METTL9: variants seen among roughly 807,000 people sequenced by gnomAD.
METTL9 encodes the protein methyltransferase 9, His-X-His N1(pi)-histidine, also known as protein-L-histidine N-pros-methyltransferase.
A neutral mutation model predicts 36.0 loss-of-function variants in METTL9; 10 were observed. That is an observed-to-expected ratio of 0.28 (90% confidence interval 0.17 to 0.47). The LOEUF (loss-of-function observed/expected upper bound fraction) is 0.47. Among genes scored for constraint, METTL9 ranks in the 20% least tolerant of loss-of-function variants. The probability of loss-of-function intolerance (pLI) is 0.99; values close to 1 mark genes in which losing one functional copy is unlikely to be tolerated. For missense variants in METTL9, 246 were observed against 383.5 expected, an observed-to-expected ratio of 0.64 and a Z score of 3.00; for synonymous variants, 175 against 149.7, an observed-to-expected ratio of 1.17 and a Z score of -1.23.
intron 4 of METTL9, among the ~76,000 whole-genome samples, chr16:21,632,814 CCTTA>C (rs905896983): frequency 2.0e-5 from 3 of 152,154 alleles, no homozygotes; most frequent in African/African-American, 7.2e-5. Context: ...ACATCAATTT[CCTTA>C]CTTAGGTATG....
At chr16:21,647,844 A>G (rs941290076) in intron 4 of METTL9, among the ~76,000 whole-genome samples, 10 of 152,096 alleles carry the variant, frequency 6.6e-5, no homozygotes, top group African/African-American at 2.4e-4. Flanking sequence ...CTTCGATCCA[A>G]TCACTTAATC....
intron 1 of METTL9, among the ~76,000 whole-genome samples, chr16:21,606,261 G>A (rs1358224264): frequency 6.6e-6 from 1 of 152,086 alleles, no homozygotes; most frequent in Non-Finnish European, 1.5e-5. Flanking sequence ...CGCTTGAACC[G>A]TGGAGGCGGA....
At chr16:21,650,299 G>T (rs949137084) in intron 4 of METTL9, among the ~76,000 whole-genome samples, 6 of 152,150 alleles carry the variant, frequency 3.9e-5, no homozygotes, top group Non-Finnish European at 7.4e-5. Flanking sequence ...CTGAGGTCAG[G>T]CGTTCGAGAC....
chr16:21,615,839 T>C (rs1965542373), intron 2 of METTL9, among the ~76,000 whole-genome samples: 1 of 152,192 alleles, frequency 6.6e-6, no homozygotes, highest in Middle Eastern at 3.2e-3. Context: ...ATTTGCTTAT[T>C]TTCTTACTGT....
chr16:21,600,917 C>T (rs374377528), intron 1 of METTL9, among the ~76,000 whole-genome samples: 1 of 152,088 alleles, frequency 6.6e-6, no homozygotes, highest in Admixed American at 6.5e-5. Context: ...ATATATTTCT[C>T]ATTTTCCTAC....
Position 21,657,283 on chromosome 16 carries a change from G to C in METTL9, c.*1851G>C, listed in dbSNP as rs914042098. 1 of 152,046 alleles carries C rather than the reference G, an allele frequency of 6.6e-6. No homozygotes were observed. Among genetic ancestry groups the C allele is most frequent in the Non-Finnish European group, 1.5e-5 (1 of 68,012 alleles). 9.4% of individuals were successfully genotyped at this position (152,046 alleles called of 1,614,324 possible). A position where few individuals can be genotyped will look rare whatever the true frequency, so the allele number is the denominator to read the frequency against. ...TTCTCTGAAAACCAGCTTATTAAAAGTGCTGTTTTGTGGTGAAAATTGAAA... is the reference window on the plus strand; with the variant it reads ...TTCTCTGAAAACCAGCTTATTAAAACTGCTGTTTTGTGGTGAAAATTGAAA... On this transcript the variant is annotated 3_prime_UTR_variant, in exon 5 of 5. Coordinates refer to ENST00000358154, the MANE Select transcript of METTL9 (RefSeq NM_016025.5).
chr16:21,612,602 T>C (rs1464480798), intron 1 of METTL9, 43 bp from the exon 2 acceptor site: 1 of 1,449,758 alleles, frequency 6.9e-7, no homozygotes, highest in East Asian at 2.5e-5. Context: ...GACACTTCGG[T>C]TGTGTGTTTT....
At chr16:21,609,751 C>G (rs1008940747) in intron 1 of METTL9, among the ~76,000 whole-genome samples, 5 of 151,952 alleles carry the variant, frequency 3.3e-5, no homozygotes, top group African/African-American at 1.2e-4. Context: ...AGGCTGGAGA[C>G]ACAGAATGAA....
At chr16:21,612,194 T>A (rs1226337282) in intron 1 of METTL9, 1 of 153,300 alleles carries the variant, frequency 6.5e-6, no homozygotes, top group Non-Finnish European at 1.5e-5. Context: ...AGGCATTGGA[T>A]TATGTGACTG....
intron 1 of METTL9, among the ~76,000 whole-genome samples, chr16:21,608,402 C>G (rs1361540757): frequency 2.6e-5 from 4 of 152,174 alleles, no homozygotes; most frequent in Non-Finnish European, 5.9e-5. Flanking sequence ...AGTCACATTA[C>G]TTGTTTCCCT....
intron 4 of METTL9, chr16:21,647,423 G>C: frequency 6.2e-7 from 1 of 1,614,076 alleles, no homozygotes; most frequent in Non-Finnish European, 8.5e-7. Flanking sequence ...TATGGTGACG[G>C]CCTCATGAGT....
chr16:21,609,816 A>T (rs1185730013), intron 1 of METTL9, among the ~76,000 whole-genome samples: 2 of 152,168 alleles, frequency 1.3e-5, no homozygotes, highest in Admixed American at 1.3e-4. Context: ...TGTTATCCTA[A>T]GATTCCTGTT....
chr16:21,605,299 G>A (rs529560438), intron 1 of METTL9, among the ~76,000 whole-genome samples: 240 of 23,950 alleles, frequency 0.01, 1 homozygote, highest in Non-Finnish European at 0.018. Flanking sequence ...TTTTTTTTGA[G>A]AAACAAGTTC....
chr16:21,640,840 T>G (rs1966243704), intron 4 of METTL9: 1 of 151,438 alleles, frequency 6.6e-6, no homozygotes, highest in African/African-American at 2.4e-5. Flanking sequence ...GTTGCCCACA[T>G]CTTCCCTGGT....
intron 4 of METTL9, chr16:21,627,003 A>T: frequency 1.0e-6 from 1 of 985,418 alleles, no homozygotes; most frequent in Non-Finnish European, 1.2e-6. Context: ...AAGCTCCTTG[A>T]TTGTGGATGT....
chr16:21,644,521 G>A (rs879177624), intron 4 of METTL9: 62 of 633,112 alleles, frequency 9.8e-5, no homozygotes, highest in South Asian at 8.6e-4. Flanking sequence ...TTGCCTATTC[G>A]TATAAAAACT....
intron 1 of METTL9, among the ~76,000 whole-genome samples, chr16:21,600,375 G>GA (rs1231733319): frequency 6.6e-6 from 1 of 152,178 alleles, no homozygotes; most frequent in Non-Finnish European, 1.5e-5. Context: ...AAAGGGTCGT[G>GA]AAGAAATGTA....
chr16:21,623,380 A>C (rs1025439155), intron 3 of METTL9, among the ~76,000 whole-genome samples: 9 of 152,228 alleles, frequency 5.9e-5, no homozygotes, highest in Non-Finnish European at 1.2e-4. Flanking sequence ...TTTTCAAAAC[A>C]ACCCTCATTA....
At chr16:21,643,719 T>A in intron 4 of METTL9, 2 of 626,382 alleles carry the variant, frequency 3.2e-6, no homozygotes, top group Non-Finnish European at 2.8e-6. Context: ...CAATGAGACT[T>A]AATTTTTACA....
Sources: gnomAD v4.1 joint callset for allele counts (sites outside exome capture counted in the v4.1 genomes callset) on GRCh38, gnomAD v4.1.1 for gene constraint, MANE v1.5 for transcripts, NCBI Gene and HGNC (gene_info 2026-07-23, HGNC 2026-07-21) for gene names.